RAMP1: variants seen among roughly 807,000 people sequenced by gnomAD.
RAMP1 encodes receptor activity-modifying protein 1.
In RAMP1, 7 loss-of-function variants were observed where a neutral mutation model predicts 8.2. The ratio of observed to expected loss-of-function variants is 0.85; its 90% CI spans 0.49 to 1.60. The LOEUF (loss-of-function observed/expected upper bound fraction) is 1.60. Among genes scored for constraint, RAMP1 ranks in the 40% most tolerant of loss-of-function variants. RAMP1 has a pLI of 0.00. For missense variants in RAMP1, 192 were observed against 202.4 expected (o/e 0.95, Z 0.31); for synonymous variants, 92 against 84.7 (o/e 1.09, Z -0.47).
intron 1 of RAMP1, among the ~76,000 whole-genome samples, chr2:237,868,083 G>A (rs542077273): frequency 1.4e-5 from 2 of 147,192 alleles, no homozygotes; most frequent in African/African-American, 2.5e-5. Flanking sequence ...TTGCTCTGTC[G>A]CCCAGGCTGG....
intron 2 of RAMP1, among the ~76,000 whole-genome samples, chr2:237,886,467 G>T (rs2062434386): frequency 6.6e-6 from 1 of 152,186 alleles, no homozygotes; most frequent in Non-Finnish European, 1.5e-5. Flanking sequence ...GAATGGGGAG[G>T]AGGAGCCCCA....
At position 237,890,026 on chromosome 2, in the gene RAMP1, C is replaced by T. The variant is rs181407322; in HGVS notation, c.191+12664C>T. 1.8e-3 allele frequency among the ~76,000 whole-genome samples: 276 copies of T among 152,342 alleles called. 1 individual carries two copies. The highest frequency in any genetic ancestry group is 6.2e-3 in the African/African-American group (257 of 41,590). On this transcript the variant is annotated intron_variant, in intron 2 of 2. Coordinates refer to ENST00000254661, the MANE Select transcript of RAMP1 (RefSeq NM_005855.4). The stretch of plus-strand genomic sequence containing the variant: ...TGCAGAAACCCCGCCGGCTGCGTCC[C>T]TCCTTCAGCGCTGTGAGCCTCTGCG...
chr2:237,873,630 G>A (rs13412215), intron 1 of RAMP1, among the ~76,000 whole-genome samples: 3,901 of 152,304 alleles, frequency 0.026, 165 homozygotes, highest in African/African-American at 0.086. Context: ...TGAGTGAGGA[G>A]CGCAGCCGTC....
chr2:237,881,874 T>C (rs543149221), intron 2 of RAMP1, among the ~76,000 whole-genome samples: 16 of 152,322 alleles, frequency 1.1e-4, no homozygotes, highest in Non-Finnish European at 2.1e-4. Context: ...TTTGGTGTTT[T>C]TGTTGCCACA....
In RAMP1 at chr2:237,889,376, T is replaced by C. The variant is rs189352293; in HGVS notation, c.191+12014T>C. Among the ~76,000 whole-genome samples, 36 of 152,366 alleles carry C rather than the reference T, an allele frequency of 2.4e-4. 1 individual carries two copies. The East Asian group carries it at 5.8e-3, about 24-fold the overall frequency. On this transcript the variant is annotated intron_variant, in intron 2 of 2. Coordinates refer to ENST00000254661, the MANE Select transcript of RAMP1 (RefSeq NM_005855.4). The stretch of plus-strand genomic sequence containing the variant: ...TCTTAACACAGTGGATGGACAGAAA[T>C]GTATTTCCTTCCCACCTCAATTATC...
chr2:237,879,485 T>TTTATTA (rs984044714), intron 2 of RAMP1, among the ~76,000 whole-genome samples: 2 of 138,706 alleles, frequency 1.4e-5, no homozygotes, highest in Non-Finnish European at 3.1e-5. Flanking sequence ...TTTTCGTTTT[T>TTTATTA]TTATTATTAT....
chr2:237,888,176 C>T, intron 2 of RAMP1, among the ~76,000 whole-genome samples: 1 of 151,970 alleles, frequency 6.6e-6, no homozygotes, highest in East Asian at 1.9e-4. Context: ...GCCTCAGCCT[C>T]CCGAGTAGCT....
At chr2:237,904,763 GGACCTGTATCTTTATCTTAATAGGA>G (rs2062637140) in intron 2 of RAMP1, among the ~76,000 whole-genome samples, 1 of 152,186 alleles carries the variant, frequency 6.6e-6, no homozygotes, top group African/African-American at 2.4e-5. Flanking sequence ...AGTCAAGTGA[GGACCTGTATCTTTATCTTAATAGGA>G]GACTAAGACT....
intron 1 of RAMP1, among the ~76,000 whole-genome samples, chr2:237,876,853 G>A (rs112749831): frequency 2.9e-4 from 44 of 152,242 alleles, no homozygotes; most frequent in African/African-American, 9.9e-4. Context: ...CCTGGGCTGG[G>A]GGGCACAGCC....
At chr2:237,892,216 C>G (rs2062493741) in intron 2 of RAMP1, among the ~76,000 whole-genome samples, 1 of 151,338 alleles carries the variant, frequency 6.6e-6, no homozygotes, top group Non-Finnish European at 1.5e-5. Flanking sequence ...TCTTTCCATG[C>G]TGATTACTTT....
At position 237,874,011 on chromosome 2, in the gene RAMP1, GT is replaced by G. The variant is rs2062273041; in HGVS notation, c.53-3212del. The stretch of plus-strand genomic sequence containing the variant: ...TAAGGAGCAAGGGACAATGGGCTGG[GT>G]ATGGCAGTCCCGCCCCTTGGGAGGC... On this transcript the variant is annotated intron_variant, in intron 1 of 2. Coordinates refer to ENST00000254661, the MANE Select transcript of RAMP1 (RefSeq NM_005855.4). 3.3e-5 allele frequency among the ~76,000 whole-genome samples: 5 copies of G among 152,210 alleles called. No individual in the cohort carries two copies. In the South Asian group the frequency reaches 8.3e-4, roughly 25 times the overall value.
chr2:237,903,851 C>A (rs73094343), intron 2 of RAMP1, among the ~76,000 whole-genome samples: 78,399 of 152,014 alleles, frequency 0.52, 20,463 homozygotes, highest in East Asian at 0.68. Context: ...CCCGCCACCA[C>A]GCCCGGCTAA....
chr2:237,889,146 T>A (rs56779873), intron 2 of RAMP1, among the ~76,000 whole-genome samples: 11,807 of 152,256 alleles, frequency 0.078, 1,505 homozygotes, highest in African/African-American at 0.27. Context: ...TGTCTTTTGA[T>A]GTTCATTTTC....
At chr2:237,888,773 T>TTTTG (rs1003041547) in intron 2 of RAMP1, among the ~76,000 whole-genome samples, 1 of 152,148 alleles carries the variant, frequency 6.6e-6, no homozygotes, top group African/African-American at 2.4e-5. Context: ...AAATTCTTTT[T>TTTTG]TTTGTTTGTT....
chr2:237,906,115 G>A (rs924712284), intron 2 of RAMP1, among the ~76,000 whole-genome samples: 24 of 151,882 alleles, frequency 1.6e-4, no homozygotes, highest in Non-Finnish European at 2.9e-5. Context: ...ATTTACCATG[G>A]ACCGGCCACA....
intron 2 of RAMP1, among the ~76,000 whole-genome samples, chr2:237,892,759 T>TC (rs1559948254): frequency 1.1e-4 from 15 of 137,100 alleles, no homozygotes; most frequent in Non-Finnish European, 2.2e-4. Flanking sequence ...CTCTCTCTCT[T>TC]CTCCATCCTT....
At chr2:237,905,445 C>G (rs2062641986) in intron 2 of RAMP1, among the ~76,000 whole-genome samples, 1 of 152,180 alleles carries the variant, frequency 6.6e-6, no homozygotes, top group Admixed American at 6.5e-5. Flanking sequence ...GTGCCTGATC[C>G]CAGAATAGCC....
chr2:237,906,437 G>A (rs888376583), intron 2 of RAMP1, among the ~76,000 whole-genome samples: 1 of 152,092 alleles, frequency 6.6e-6, no homozygotes, highest in Non-Finnish European at 1.5e-5. Context: ...TGCCGGAGAG[G>A]CCCCTACTTT....
intron 2 of RAMP1, among the ~76,000 whole-genome samples, chr2:237,904,785 A>G (rs2062637318): frequency 6.6e-6 from 1 of 152,182 alleles, no homozygotes; most frequent in Admixed American, 6.6e-5. Context: ...TTATCTTAAT[A>G]GGAGACTAAG....
Sources: allele counts gnomAD v4.1 joint callset (sites outside exome capture counted in the v4.1 genomes callset), GRCh38; gene constraint gnomAD v4.1.1; transcripts MANE v1.5; gene names NCBI Gene and HGNC (gene_info 2026-07-23, HGNC 2026-07-21).